The following CRYBA1 variants were observed in gnomAD, a reference collection of about 807,000 sequenced individuals.
CRYBA1 encodes crystallin beta A1.
A neutral mutation model predicts 36.2 loss-of-function variants in CRYBA1; 25 were observed. The ratio of observed to expected loss-of-function variants is 0.69; its 90% CI spans 0.50 to 0.97. The LOEUF (loss-of-function observed/expected upper bound fraction) is 0.97, where lower values mean the gene tolerates loss of function less well. Ranked by LOEUF, CRYBA1 falls within the 50% of genes least tolerant of loss-of-function variation. The pLI is 0.00. For synonymous variants in CRYBA1, 111 were observed against 90.0 expected, an observed-to-expected ratio of 1.23 and a Z score of -1.32; for missense variants, 224 against 276.3, an observed-to-expected ratio of 0.81 and a Z score of 1.34.
chr17:29,246,903 G>A lies in CRYBA1; in HGVS notation c.31+9G>A. The A allele has an allele frequency of 6.2e-7, 1 of 1,609,572 alleles. No individual in the cohort carries two copies. The highest frequency in any genetic ancestry group is 8.5e-7 in the Non-Finnish European group (1 of 1,178,386). ...TGAGCAGCAGGAGCTGGGTGAGTAA[G>A]GCCCTCAGGGTGCCCTTGCCCTTCC... On this transcript the variant is annotated intron_variant, in intron 1 of 5. Coordinates refer to ENST00000225387, the MANE Select transcript of CRYBA1 (RefSeq NM_005208.5).
At chr17:29,249,895 A>G (rs200402953) in intron 2 of CRYBA1, among the ~76,000 whole-genome samples, 34 of 120,564 alleles carry the variant, frequency 2.8e-4, no homozygotes, top group African/African-American at 8.7e-4. Context: ...ATGGGAGCCC[A>G]TAAGTCCTTG....
chr17:29,254,213 A>G lies in CRYBA1; in HGVS notation c.512A>G (p.Tyr171Cys). ...MKIQSGAWVC[Y>C]QYPGYRGYQY... The stretch of plus-strand genomic sequence containing the variant: ...TTTGAATTTCCTAGCTGGGTTTGCT[A>G]CCAATATCCTGGATATCGTGGGTAT... The change falls in exon 6 of 6, where the codon TAC becomes TGC. Residue 171 changes from tyrosine to cysteine, a missense_variant. Coordinates refer to ENST00000225387, the MANE Select transcript of CRYBA1 (RefSeq NM_005208.5). 1 of 1,614,154 alleles carries G rather than the reference A, an allele frequency of 6.2e-7. No homozygotes were observed. The highest frequency in any genetic ancestry group is 8.5e-7 in the Non-Finnish European group (1 of 1,180,008).
At chr17:29,253,467 T>C (rs1433991273) in intron 4 of CRYBA1, among the ~76,000 whole-genome samples, 173 bp from the exon 5 acceptor site, 1 of 152,224 alleles carries the variant, frequency 6.6e-6, no homozygotes, top group Non-Finnish European at 1.5e-5. Context: ...GGTATTTAAA[T>C]TGGAATAAAC....
chr17:29,253,492 CT>C, intron 4 of CRYBA1, 147 bp from the exon 5 acceptor site: 3 of 635,462 alleles, frequency 4.7e-6, no homozygotes, highest in South Asian at 4.9e-5. Context: ...TTATGGGTAA[CT>C]TTTTTCTCAC....
chr17:29,248,651 C>T (rs2068916323), intron 1 of CRYBA1, among the ~76,000 whole-genome samples: 1 of 152,032 alleles, frequency 6.6e-6, no homozygotes, highest in African/African-American at 2.4e-5. Context: ...AGGCGTGAAC[C>T]ACCGTGCCCG....
At position 29,250,202 on chromosome 17, in the gene CRYBA1, G is replaced by C. The variant is rs200145139; in HGVS notation, c.117G>C (p.Glu39Asp). 46 of 1,604,202 alleles carry C rather than the reference G, an allele frequency of 2.9e-5. No homozygotes were observed. The Middle Eastern group carries it at 6.6e-4, about 23-fold the overall frequency. ...GPWKITIYDQ[E>D]NFQGKRMEFT... ...TTCAGATAACCATCTATGATCAGGA[G>C]AACTTTCAGGGCAAGAGGATGGAGT... Residue 39 changes from glutamate to aspartate, a missense_variant, in exon 3 of 6, where the codon GAG becomes GAC. Transcript: ENST00000225387.
At chr17:29,253,840 T>C (rs2153009722) in intron 5 of CRYBA1, 58 bp downstream of exon 5, 2 of 1,586,154 alleles carry the variant, frequency 1.3e-6, no homozygotes, top group East Asian at 2.2e-5. Flanking sequence ...GTTGCATCAA[T>C]AGTTATGTTT....
chr17:29,253,671 A>G lies in CRYBA1; in HGVS notation c.389A>G (p.Glu130Gly), dbSNP rs144347544. The G allele has an allele frequency of 5.6e-5, 90 of 1,613,900 alleles. No homozygotes were observed. The highest frequency in any genetic ancestry group is 6.9e-5 in the Non-Finnish European group (82 of 1,179,858). Reference protein sequence around the residue: ...NHKESKMTIFEKENFIGRQWE... With the variant: ...NHKESKMTIFGKENFIGRQWE... The stretch of plus-strand genomic sequence containing the variant: ...AAGGAGTCTAAGATGACCATCTTTG[A>G]GAAGGAAAACTTTATTGGACGCCAG... The change falls in exon 5 of 6, where the codon GAG becomes GGG. Residue 130 changes from glutamate (E) to glycine (G), a missense_variant. Physicochemically the swap from Glu to Gly is moderately conservative, Grantham distance 98. Transcript: ENST00000225387.
chr17:29,252,349 T>A, intron 4 of CRYBA1, 144 bp downstream of exon 4: 1 of 1,218,544 alleles, frequency 8.2e-7, no homozygotes, highest in Non-Finnish European at 1.2e-6. Flanking sequence ...AAACATCACT[T>A]TCTTCTCTAA....
At chr17:29,249,240 G>A in intron 2 of CRYBA1, 34 bp downstream of exon 2, 3 of 1,450,114 alleles carry the variant, frequency 2.1e-6, no homozygotes, top group Non-Finnish European at 2.9e-6. Flanking sequence ...AACAGGGCAG[G>A]GGTGACATGC....
chr17:29,252,034 C>T (rs2068938682), intron 3 of CRYBA1, 30 bp from the exon 4 acceptor site: 2 of 1,614,110 alleles, frequency 1.2e-6, no homozygotes, highest in South Asian at 2.2e-5. Flanking sequence ...GCTTTGAACA[C>T]CATGAACAAA....
intron 5 of CRYBA1, 35 bp from the exon 6 acceptor site, chr17:29,254,167 A>T (rs377642439): frequency 1.6e-5 from 25 of 1,611,086 alleles, no homozygotes; most frequent in Non-Finnish European, 2.0e-5. Context: ...ATTCCTAATT[A>T]GTTTTAATAA....
intron 1 of CRYBA1, among the ~76,000 whole-genome samples, chr17:29,248,845 G>A (rs1016881454): frequency 2.1e-4 from 32 of 151,986 alleles, no homozygotes; most frequent in Admixed American, 1.2e-3. Flanking sequence ...GTGCATGCCT[G>A]TAGTCCCAGC....
chr17:29,251,754 C>T (rs1368217212), intron 3 of CRYBA1, among the ~76,000 whole-genome samples: 1 of 152,194 alleles, frequency 6.6e-6, no homozygotes, highest in Non-Finnish European at 1.5e-5. Flanking sequence ...GTTGGAACTA[C>T]AGGCGTGAGA....
At chr17:29,254,074 A>C in intron 5 of CRYBA1, 128 bp from the exon 6 acceptor site, 1 of 1,048,260 alleles carries the variant, frequency 9.5e-7, no homozygotes, top group South Asian at 1.4e-5. Flanking sequence ...TGACACATTT[A>C]GGATGGCTAT....
chr17:29,248,611 C>T (rs1205309396), intron 1 of CRYBA1, among the ~76,000 whole-genome samples: 4 of 151,808 alleles, frequency 2.6e-5, no homozygotes, highest in African/African-American at 4.8e-5. Flanking sequence ...GTGATCCGCC[C>T]GCTTTGGCCT....
chr17:29,252,361 C>A (rs1160239923), intron 4 of CRYBA1, among the ~76,000 whole-genome samples, 156 bp downstream of exon 4: 2 of 152,292 alleles, frequency 1.3e-5, no homozygotes, highest in Non-Finnish European at 2.9e-5. Flanking sequence ...CTTCTCTAAG[C>A]CTGCTATTTG....
At chr17:29,247,958 A>C (rs548592532) in intron 1 of CRYBA1, among the ~76,000 whole-genome samples, 1 of 152,156 alleles carries the variant, frequency 6.6e-6, no homozygotes, top group Non-Finnish European at 1.5e-5. Context: ...CTCTACTAAA[A>C]ATACAAAATT....
intron 4 of CRYBA1, 130 bp downstream of exon 4, chr17:29,252,335 G>A: frequency 7.6e-7 from 1 of 1,311,838 alleles, no homozygotes; most frequent in Non-Finnish European, 1.1e-6. Context: ...AGTAAAAAAA[G>A]AGAAAACATC....
Sources: gnomAD v4.1 joint callset for allele counts (sites outside exome capture counted in the v4.1 genomes callset) on GRCh38, gnomAD v4.1.1 for gene constraint, MANE v1.5 for transcripts, NCBI Gene and HGNC (gene_info 2026-07-23, HGNC 2026-07-21) for gene names.